GAS2: variants seen among roughly 807,000 people sequenced by gnomAD.
GAS2 encodes the protein growth arrest-specific protein 2.
Under a neutral mutation model 37.5 loss-of-function variants are expected in GAS2, and 20 were observed. The ratio of observed to expected loss-of-function variants is 0.53; its 90% CI spans 0.37 to 0.77. The LOEUF (loss-of-function observed/expected upper bound fraction) is 0.77, where lower values mean the gene tolerates loss of function less well. GAS2 is among the 30% of genes least tolerant of loss of function. The pLI is 0.00. For missense variants in GAS2, 336 were observed against 373.4 expected, an observed-to-expected ratio of 0.90 and a Z score of 0.82; for synonymous variants, 144 against 132.2, an observed-to-expected ratio of 1.09 and a Z score of -0.61.
intron 1 of GAS2, among the ~76,000 whole-genome samples, chr11:22,674,207 AT>A (rs945965269): frequency 3.8e-4 from 5 of 13,292 alleles, no homozygotes; most frequent in Admixed American, 8.5e-4. Context: ...CTTATCCTCT[AT>A]TTTTTTATTT....
At chr11:22,754,118 C>T (rs1420543776) in intron 6 of GAS2, among the ~76,000 whole-genome samples, 2 of 152,024 alleles carry the variant, frequency 1.3e-5, no homozygotes, top group Admixed American at 6.6e-5. Flanking sequence ...TAATCACTAA[C>T]TTAATGTTAA....
chr11:22,656,360 A>G (rs1848854917), intron 1 of GAS2, among the ~76,000 whole-genome samples: 1 of 152,262 alleles, frequency 6.6e-6, no homozygotes, highest in African/African-American at 2.4e-5. Flanking sequence ...AACACCAATT[A>G]GAGAGATCTG....
intron 1 of GAS2, among the ~76,000 whole-genome samples, chr11:22,659,670 C>T (rs1025615193): frequency 6.6e-6 from 1 of 151,946 alleles, no homozygotes; most frequent in Admixed American, 6.6e-5. Context: ...CTGACAGAAA[C>T]TTATTTCTTT....
At chr11:22,628,001 T>G (rs1858687325) in intron 1 of GAS2, among the ~76,000 whole-genome samples, 1 of 152,182 alleles carries the variant, frequency 6.6e-6, no homozygotes, top group Non-Finnish European at 1.5e-5. Flanking sequence ...ATTATGCAGA[T>G]TAACTTTAGC....
At chr11:22,759,731 C>T (rs1171572091) in intron 7 of GAS2, among the ~76,000 whole-genome samples, 1 of 152,102 alleles carries the variant, frequency 6.6e-6, no homozygotes, top group African/African-American at 2.4e-5. Flanking sequence ...TGGATTATTC[C>T]CATTCAACCA....
At position 22,749,151 on chromosome 11, in the gene GAS2, C is replaced by A. The variant is rs1853583780; in HGVS notation, c.505C>A (p.Leu169Met). 1 of 1,612,232 alleles carries A rather than the reference C, an allele frequency of 6.2e-7. No homozygotes were observed. The highest frequency in any genetic ancestry group is 1.3e-5 in the African/African-American group (1 of 74,744). The change falls in exon 6 of 8, where the codon CTG becomes ATG. Residue 169 changes from leucine (L) to methionine (M), a missense_variant. Coordinates refer to ENST00000454584, the MANE Select transcript of GAS2 (RefSeq NM_001143830.3). ...YGVEPPGLIK[L>M]EKEIEQEETL... The stretch of plus-strand genomic sequence containing the variant: ...TGTGGAGCCTCCTGGTTTGATAAAG[C>A]TGGAAAAAGAGATTGAACAAGAAGA...
At chr11:22,687,397 A>G (rs1291435363) in intron 3 of GAS2, among the ~76,000 whole-genome samples, 1 of 152,174 alleles carries the variant, frequency 6.6e-6, no homozygotes, top group Non-Finnish European at 1.5e-5. Context: ...TTAATCCCAT[A>G]GGGTGAAACC....
At chr11:22,722,115 G>T (rs572521167) in intron 3 of GAS2, among the ~76,000 whole-genome samples, 1 of 151,896 alleles carries the variant, frequency 6.6e-6, no homozygotes, top group Non-Finnish European at 1.5e-5. Context: ...GGACTCCAGA[G>T]CCCTACCTAG....
intron 1 of GAS2, among the ~76,000 whole-genome samples, chr11:22,637,298 A>C (rs1455886354): frequency 4.7e-5 from 5 of 106,032 alleles, no homozygotes; most frequent in Admixed American, 1.3e-4. Flanking sequence ...TATAATATTA[A>C]TTATATTAAT....
At chr11:22,657,726 C>T (rs529962422) in intron 1 of GAS2, among the ~76,000 whole-genome samples, 2 of 152,280 alleles carry the variant, frequency 1.3e-5, no homozygotes, top group South Asian at 4.2e-4. Flanking sequence ...TCATGACTAC[C>T]GTACTTCCTC....
intron 1 of GAS2, among the ~76,000 whole-genome samples, chr11:22,628,211 A>T (rs995166348): frequency 6.6e-6 from 1 of 152,224 alleles, no homozygotes; most frequent in South Asian, 2.1e-4. Context: ...ACAAAAACTT[A>T]ATTATAATGC....
chr11:22,707,593 G>A (rs1851189691), intron 3 of GAS2, among the ~76,000 whole-genome samples: 1 of 152,152 alleles, frequency 6.6e-6, no homozygotes, highest in Non-Finnish European at 1.5e-5. Context: ...GGGGAAGTTT[G>A]CATGTCAGCA....
At chr11:22,705,949 C>A (rs1480385167) in intron 3 of GAS2, among the ~76,000 whole-genome samples, 1 of 152,002 alleles carries the variant, frequency 6.6e-6, no homozygotes, top group Non-Finnish European at 1.5e-5. Context: ...ATAGAGTGTG[C>A]CAAATACAGT....
intron 7 of GAS2, among the ~76,000 whole-genome samples, chr11:22,796,151 A>G (rs1856420855): frequency 6.6e-6 from 1 of 152,148 alleles, no homozygotes; most frequent in African/African-American, 2.4e-5. Flanking sequence ...TCCTGCTGTG[A>G]TGACACAGTC....
chr11:22,793,468 T>A (rs900430512), intron 7 of GAS2, among the ~76,000 whole-genome samples: 5 of 152,080 alleles, frequency 3.3e-5, no homozygotes, highest in African/African-American at 4.8e-5. Context: ...AAAAAATGAT[T>A]GAGAAACACA....
chr11:22,811,331 T>C (rs1276881185), intron 7 of GAS2, among the ~76,000 whole-genome samples: 1 of 152,216 alleles, frequency 6.6e-6, no homozygotes, highest in East Asian at 1.9e-4. Context: ...GCACTTTCAA[T>C]GTTATTTTGT....
chr11:22,670,791 T>G (rs1849167576), intron 1 of GAS2, among the ~76,000 whole-genome samples: 2 of 152,142 alleles, frequency 1.3e-5, no homozygotes, highest in Non-Finnish European at 2.9e-5. Flanking sequence ...GTAGTGGACC[T>G]ATTATTTGAC....
chr11:22,774,235 C>T (rs1460593454), intron 7 of GAS2, among the ~76,000 whole-genome samples: 1 of 152,142 alleles, frequency 6.6e-6, no homozygotes, highest in Admixed American at 6.5e-5. Flanking sequence ...CTCAGGTGAT[C>T]GGCCCGCCTC....
chr11:22,653,035 CTCTT>C (rs1401263546), intron 1 of GAS2, among the ~76,000 whole-genome samples: 6 of 7,672 alleles, frequency 7.8e-4, no homozygotes, highest in South Asian at 5.9e-3. Context: ...TTCTTTCTTT[CTCTT>C]TCTTTCTTTC....
Sources: allele counts gnomAD v4.1 joint callset (sites outside exome capture counted in the v4.1 genomes callset), GRCh38; gene constraint gnomAD v4.1.1; transcripts MANE v1.5; gene names NCBI Gene and HGNC (gene_info 2026-07-23, HGNC 2026-07-21).